The following CSMD1 variants were observed in gnomAD, a reference collection of about 807,000 sequenced individuals.
The protein encoded by CSMD1 is CUB and sushi domain-containing protein 1.
In CSMD1, 213 loss-of-function variants were observed where a neutral mutation model predicts 417.5. That is an observed-to-expected ratio of 0.51 (90% CI 0.46 to 0.57). CSMD1 has a LOEUF of 0.57. Among genes scored for constraint, CSMD1 ranks in the 20% least tolerant of loss-of-function variants. The probability of loss-of-function intolerance (pLI) is 0.00; values close to 1 mark genes in which losing one functional copy is unlikely to be tolerated. For missense variants in CSMD1, 6,923 were observed against 4,529.7 expected, an observed-to-expected ratio of 1.53 and a Z score of -15.17; for synonymous variants, 2,862 against 1,736.8, an observed-to-expected ratio of 1.65 and a Z score of -16.11.
intron 17 of CSMD1, among the ~76,000 whole-genome samples, chr8:3,389,995 G>T (rs949375292): frequency 6.6e-6 from 1 of 152,056 alleles, no homozygotes; most frequent in African/African-American, 2.4e-5. Context: ...TACTACATTC[G>T]ATTTCCAGTT....
chr8:4,633,808 G>T (rs558655974), intron 2 of CSMD1, among the ~76,000 whole-genome samples: 1 of 151,908 alleles, frequency 6.6e-6, no homozygotes, highest in Non-Finnish European at 1.5e-5. Context: ...TGATCCACCC[G>T]CCTTAGCCTC....
At chr8:3,965,803 G>C (rs1242412866) in intron 5 of CSMD1, among the ~76,000 whole-genome samples, 2 of 151,966 alleles carry the variant, frequency 1.3e-5, no homozygotes, top group Non-Finnish European at 2.9e-5. Flanking sequence ...ACCTTTAGTA[G>C]AGATGGGGTT....
chr8:4,947,211 C>T (rs1808428028), intron 1 of CSMD1, among the ~76,000 whole-genome samples: 1 of 152,120 alleles, frequency 6.6e-6, no homozygotes, highest in African/African-American at 2.4e-5. Flanking sequence ...CTGTTATCTA[C>T]TTTTTAAATG....
At chr8:4,710,265 T>A (rs1446768928) in intron 1 of CSMD1, among the ~76,000 whole-genome samples, 1 of 151,914 alleles carries the variant, frequency 6.6e-6, no homozygotes, top group African/African-American at 2.4e-5. Context: ...ATACACATTT[T>A]ATATACATTT....
At chr8:3,523,938 C>A (rs1418992266) in intron 10 of CSMD1, among the ~76,000 whole-genome samples, 1 of 150,046 alleles carries the variant, frequency 6.7e-6, no homozygotes. Context: ...CATGCACACT[C>A]AGACACGTGC....
rs116944057 is a variant in CSMD1, at chr8:3,348,263, C to T, written c.3305-102G>A. 3.3e-3 allele frequency: 2,642 copies of T among 808,598 alleles called. 7 individuals are homozygous for T. Among genetic ancestry groups the T allele is most frequent in the Non-Finnish European group, 4.5e-3 (2,315 of 516,316 alleles). The allele number at this position is 808,598 out of a possible 1,614,324, so 50.1% of individuals were successfully genotyped here. On this transcript the variant is annotated intron_variant, in intron 21 of 69. Transcript: ENST00000635120. ...TCATGATAGCCTCCTCTTCTATCAA[C>T]GTATGTGTGTTAGTAATATATTATT...
chr8:3,261,187 T>C (rs1195151142), intron 26 of CSMD1, among the ~76,000 whole-genome samples: 2 of 152,208 alleles, frequency 1.3e-5, no homozygotes, highest in Non-Finnish European at 2.9e-5. Flanking sequence ...GTAAATACCA[T>C]AGACAATTTT....
At position 2,937,174 on chromosome 8, in the gene CSMD1, C is replaced by G. The variant is rs1801540470; in HGVS notation, c.*1411G>C. ...GGGATCTTATAGATTTTATTTGCAT[C>G]ATAACTTATCATTTACCTATAATGG... On this transcript the variant is annotated 3_prime_UTR_variant, in exon 70 of 70. Transcript: ENST00000635120. 1 of 152,078 alleles carries G rather than the reference C, an allele frequency of 6.6e-6. No homozygotes were observed. Among genetic ancestry groups the G allele is most frequent in the Non-Finnish European group, 1.5e-5 (1 of 68,016 alleles). The allele number at this position is 152,078 out of a possible 1,614,324, so 9.4% of individuals were successfully genotyped here.
intron 9 of CSMD1, among the ~76,000 whole-genome samples, chr8:3,584,004 T>C (rs1375830299): frequency 1.3e-5 from 2 of 151,950 alleles, no homozygotes; most frequent in Non-Finnish European, 2.9e-5. Flanking sequence ...TCAACACTAG[T>C]AAAACCCATC....
intron 2 of CSMD1, among the ~76,000 whole-genome samples, chr8:4,584,421 A>C (rs1453925540): frequency 1.3e-5 from 2 of 152,010 alleles, no homozygotes; most frequent in Non-Finnish European, 2.9e-5. Context: ...GGGGCTAAAT[A>C]CCGGGCACCT....
chr8:4,922,503 G>C (rs540317637), intron 1 of CSMD1, among the ~76,000 whole-genome samples: 1 of 152,208 alleles, frequency 6.6e-6, no homozygotes, highest in East Asian at 1.9e-4. Flanking sequence ...CTTAAAATTT[G>C]ACTCGTTTTA....
intron 1 of CSMD1, among the ~76,000 whole-genome samples, chr8:4,658,012 T>C (rs912767791): frequency 8.6e-5 from 13 of 151,562 alleles, no homozygotes; most frequent in African/African-American, 2.9e-4. Context: ...AAACCTAAAA[T>C]TAAGAAAGTT....
chr8:4,509,288 CA>C (rs1401078958), intron 2 of CSMD1, among the ~76,000 whole-genome samples: 1 of 151,988 alleles, frequency 6.6e-6, no homozygotes, highest in Non-Finnish European at 1.5e-5. Context: ...GTAAATGAGT[CA>C]GGAGATTGGA....
intron 5 of CSMD1, among the ~76,000 whole-genome samples, chr8:3,772,396 C>CATATATACATATATTCATATATAT (rs1246977888): frequency 1.5e-5 from 1 of 68,406 alleles, no homozygotes. Context: ...TTTATATATA[C>CATATATACATATATTCATATATAT]ACATATATAC....
chr8:3,270,383 G>T (rs7008857), intron 26 of CSMD1, among the ~76,000 whole-genome samples: 2 of 151,794 alleles, frequency 1.3e-5, no homozygotes, highest in African/African-American at 4.8e-5. Flanking sequence ...GACAGTTGTT[G>T]CTGCCTCAAG....
In CSMD1 at chr8:4,045,776, C is replaced by T. The variant is rs79577819; in HGVS notation, c.416-13677G>A. Among the ~76,000 whole-genome samples, 1,243 of 152,260 alleles carry T rather than the reference C, an allele frequency of 8.2e-3. 12 individuals are homozygous for T. The highest frequency in any genetic ancestry group is 0.027 in the African/African-American group (1,130 of 41,542). On this transcript the variant is annotated intron_variant, in intron 3 of 69. Transcript: ENST00000635120. ...TGAAACACAAAGACTAAATTACACA[C>T]TTTAAAGCTATTTCCAGACATTGTG...
At chr8:3,259,505 T>A (rs968563019) in intron 26 of CSMD1, among the ~76,000 whole-genome samples, 1 of 152,252 alleles carries the variant, frequency 6.6e-6, no homozygotes, top group East Asian at 1.9e-4. Flanking sequence ...CAGTCTGATA[T>A]TAGCTTTTCT....
chr8:4,143,392 C>A lies in CSMD1; in HGVS notation c.416-111293G>T, dbSNP rs542615935. Among the ~76,000 whole-genome samples the A allele has an allele frequency of 7.3e-4, 103 of 141,606 alleles. 9 individuals are homozygous for A. The highest frequency in any genetic ancestry group is 2.4e-3 in the African/African-American group (88 of 36,440). The allele number at this position is 141,606 out of a possible 152,430, so 92.9% of individuals were successfully genotyped here. On this transcript the variant is annotated intron_variant, in intron 3 of 69. Transcript: ENST00000635120. ...ATCCCTTTTTTTTTTTTTTTTGCTA[C>A]AGACTAAGTTAATTAGGTGGAACCC...
At chr8:3,340,103 C>T (rs1307117666) in intron 23 of CSMD1, among the ~76,000 whole-genome samples, 2 of 152,126 alleles carry the variant, frequency 1.3e-5, no homozygotes, top group African/African-American at 2.4e-5. Context: ...TTGATGCCTG[C>T]CAAATGAGGA....
Sources: allele counts gnomAD v4.1 joint callset (sites outside exome capture counted in the v4.1 genomes callset), GRCh38; gene constraint gnomAD v4.1.1; transcripts MANE v1.5; gene names NCBI Gene and HGNC (gene_info 2026-07-23, HGNC 2026-07-21).